Variants in CSMD1 observed in about 807,000 individuals in gnomAD.
CSMD1 encodes CUB and sushi domain-containing protein 1.
A neutral mutation model predicts 417.5 loss-of-function variants in CSMD1; 213 were observed. The ratio of observed to expected loss-of-function variants is 0.51; its 90% CI spans 0.46 to 0.57. CSMD1 has a LOEUF of 0.57. Ranked by LOEUF, CSMD1 falls within the 20% of genes least tolerant of loss-of-function variation. The pLI is 0.00. For missense variants in CSMD1, 6,923 were observed against 4,529.7 expected, an observed-to-expected ratio of 1.53 and a Z score of -15.17; for synonymous variants, 2,862 against 1,736.8, an observed-to-expected ratio of 1.65 and a Z score of -16.11.
chr8:4,590,269 C>A (rs1349420441), intron 2 of CSMD1, among the ~76,000 whole-genome samples: 6 of 151,686 alleles, frequency 4.0e-5, no homozygotes, highest in Non-Finnish European at 7.4e-5. Flanking sequence ...GAGATGGTGA[C>A]CATGGGGACA....
Position 4,133,585 on chromosome 8 carries a change from T to C in CSMD1, c.416-101486A>G, listed in dbSNP as rs1215986771. ...GGAAAGCCGTGCATTAACGCCGATA[T>C]GTGTAATAAACACATCTTTCATGCT... On this transcript the variant is annotated intron_variant, in intron 3 of 69. Coordinates refer to ENST00000635120, the MANE Select transcript of CSMD1 (RefSeq NM_033225.6). 1.3e-5 allele frequency among the ~76,000 whole-genome samples: 2 copies of C among 152,206 alleles called. 1 individual carries two copies. The highest frequency in any genetic ancestry group is 4.1e-4 in the South Asian group (2 of 4,830).
chr8:4,802,456 A>C (rs1798353197), intron 1 of CSMD1, among the ~76,000 whole-genome samples: 2 of 152,116 alleles, frequency 1.3e-5, no homozygotes, highest in Non-Finnish European at 2.9e-5. Context: ...CTCACAGTGG[A>C]CTTGAAAACA....
chr8:4,506,378 G>T (rs1294157276), intron 2 of CSMD1, among the ~76,000 whole-genome samples: 1 of 150,946 alleles, frequency 6.6e-6, no homozygotes, highest in African/African-American at 2.4e-5. Flanking sequence ...ATGAGCCCAA[G>T]TCTAGTGCAA....
rs199849875 is a variant in CSMD1, at chr8:3,963,756, AATAGT to A, written c.818+34142_818+34146del. On this transcript the variant is annotated intron_variant, in intron 5 of 69. Coordinates refer to ENST00000635120, the MANE Select transcript of CSMD1 (RefSeq NM_033225.6). ...AAAACAAAAGCTATATGAATATCAC[AATAGT>A]ATAGTATATGTATAGCAACCTAAGT... 3.6e-3 allele frequency among the ~76,000 whole-genome samples: 541 copies of A among 152,342 alleles called. 12 individuals are homozygous for A. The highest frequency in any genetic ancestry group is 0.024 in the Admixed American group (373 of 15,298).
intron 2 of CSMD1, among the ~76,000 whole-genome samples, chr8:4,519,551 A>G (rs1024362898): frequency 6.0e-5 from 9 of 151,244 alleles, no homozygotes; most frequent in Admixed American, 1.3e-4. Flanking sequence ...ACTAGCCTGG[A>G]CAACATGGTG....
chr8:4,818,974 C>T (rs183989031), intron 1 of CSMD1, among the ~76,000 whole-genome samples: 121 of 152,076 alleles, frequency 8.0e-4, no homozygotes, highest in African/African-American at 2.9e-3. Flanking sequence ...GACTTGATTT[C>T]TTCATTTGCA....
chr8:3,995,450 A>G (rs894717475), intron 5 of CSMD1, among the ~76,000 whole-genome samples: 1 of 152,220 alleles, frequency 6.6e-6, no homozygotes, highest in African/African-American at 2.4e-5. Context: ...TTACCTGTTC[A>G]AGGCTTTATG....
chr8:4,129,584 TTA>T (rs1044915258), intron 3 of CSMD1, among the ~76,000 whole-genome samples: 5 of 56 alleles, frequency 0.089, no homozygotes, highest in African/African-American at 0.12. Context: ...TTTACGTTTT[TTA>T]TTATTATTAT....
intron 1 of CSMD1, among the ~76,000 whole-genome samples, chr8:4,748,833 G>C (rs892338621): frequency 1.3e-5 from 2 of 152,188 alleles, no homozygotes; most frequent in Non-Finnish European, 2.9e-5. Flanking sequence ...CTTCGGGAGA[G>C]TTCACCACTG....
intron 2 of CSMD1, among the ~76,000 whole-genome samples, chr8:4,629,619 T>A (rs1259196505): frequency 6.6e-6 from 1 of 152,236 alleles, no homozygotes; most frequent in Admixed American, 6.5e-5. Context: ...CAGTTTTATA[T>A]GTGATTTCTA....
chr8:3,644,748 G>A (rs991585418), intron 7 of CSMD1, among the ~76,000 whole-genome samples: 2 of 152,122 alleles, frequency 1.3e-5, no homozygotes, highest in Non-Finnish European at 2.9e-5. Context: ...AGTGCCAGCA[G>A]ACAGAATTGC....
At chr8:3,441,273 T>G (rs1398046256) in intron 12 of CSMD1, among the ~76,000 whole-genome samples, 1 of 152,050 alleles carries the variant, frequency 6.6e-6, no homozygotes, top group African/African-American at 2.4e-5. Flanking sequence ...AGAGACTGAA[T>G]TTGTATTGTT....
At chr8:4,431,328 G>C (rs1458549128) in intron 2 of CSMD1, among the ~76,000 whole-genome samples, 1 of 152,040 alleles carries the variant, frequency 6.6e-6, no homozygotes, top group East Asian at 1.9e-4. Flanking sequence ...ATTTTCTTAA[G>C]GGTGAACCTA....
intron 3 of CSMD1, among the ~76,000 whole-genome samples, chr8:4,366,107 C>T (rs547887972): frequency 6.1e-4 from 93 of 152,208 alleles, no homozygotes; most frequent in African/African-American, 2.1e-3. Context: ...TAGTACCCGG[C>T]ACCTGTTGTT....
chr8:3,809,483 G>A (rs941111426), intron 5 of CSMD1, among the ~76,000 whole-genome samples: 3 of 152,268 alleles, frequency 2.0e-5, no homozygotes, highest in South Asian at 2.1e-4. Flanking sequence ...ACTGGGCTGC[G>A]TGATCCTTCA....
At chr8:3,671,709 C>T (rs919207488) in intron 7 of CSMD1, among the ~76,000 whole-genome samples, 2 of 151,650 alleles carry the variant, frequency 1.3e-5, no homozygotes, top group Admixed American at 6.6e-5. Flanking sequence ...TCATCTTATT[C>T]GTGTTGCATG....
At chr8:4,270,123 G>C (rs187509211) in intron 3 of CSMD1, among the ~76,000 whole-genome samples, 1 of 152,178 alleles carries the variant, frequency 6.6e-6, no homozygotes, top group East Asian at 1.9e-4. Flanking sequence ...CTGAGACTTT[G>C]GTTGTGATAG....
At chr8:3,593,842 C>G (rs1218017173) in intron 8 of CSMD1, among the ~76,000 whole-genome samples, 3 of 152,136 alleles carry the variant, frequency 2.0e-5, no homozygotes, top group Non-Finnish European at 2.9e-5. Flanking sequence ...CTCCCTCTCT[C>G]TTTCTCTATT....
chr8:3,441,896 C>T (rs7012962), intron 12 of CSMD1, among the ~76,000 whole-genome samples: 95,342 of 151,652 alleles, frequency 0.63, 30,102 homozygotes, highest in East Asian at 0.76. Context: ...AGGAGGTATC[C>T]AGAAGAAGGC....
Sources: allele counts gnomAD v4.1 joint callset (sites outside exome capture counted in the v4.1 genomes callset), GRCh38; gene constraint gnomAD v4.1.1; transcripts MANE v1.5; gene names NCBI Gene and HGNC (gene_info 2026-07-23, HGNC 2026-07-21).